CIT: variants seen among roughly 807,000 people sequenced by gnomAD.
CIT encodes the protein citron Rho-interacting kinase.
Under a neutral mutation model 272.7 loss-of-function variants are expected in CIT, and 79 were observed. The ratio of observed to expected loss-of-function variants is 0.29; its 90% confidence interval spans 0.24 to 0.35. The LOEUF (loss-of-function observed/expected upper bound fraction) is 0.35. Ranked by LOEUF, CIT falls within the 10% of genes least tolerant of loss-of-function variation. CIT has a pLI of 1.00. For missense variants in CIT, 1,909 were observed against 2,618.3 expected, an observed-to-expected ratio of 0.73 and a Z score of 5.91; for synonymous variants, 948 against 995.6, an observed-to-expected ratio of 0.95 and a Z score of 0.90.
rs1021175257 is a variant in CIT, at chr12:119,767,067, AG to A, written c.2304+19del. On this transcript the variant is annotated intron_variant, in intron 19 of 47. Transcript: ENST00000392521. ...GGTACTATAGGAGCAAGGCCAGGGAAGATCAGAAAATGTCTTTACTTTAATC... is the reference window on the plus strand; with the variant it reads ...GGTACTATAGGAGCAAGGCCAGGGAAATCAGAAAATGTCTTTACTTTAATC... 5 of 1,588,420 alleles carry A rather than the reference AG, an allele frequency of 3.1e-6. No homozygotes were observed. Among genetic ancestry groups the A allele is most frequent in the Non-Finnish European group, 4.3e-6 (5 of 1,162,222 alleles).
At position 119,718,646 on chromosome 12, in the gene CIT, A is replaced by G; in HGVS notation, c.4003+53T>C. 6.2e-7 allele frequency: 1 copy of G among 1,607,088 alleles called. No individual in the cohort carries two copies. Among genetic ancestry groups the G allele is most frequent in the South Asian group, 1.1e-5 (1 of 90,782 alleles). ...AGTCTTGGCTGATCTCACTGAGATC[A>G]ATCCTCTGCCTTTTCCACATCCTTG... is the stretch of plus-strand genomic sequence containing the variant. On this transcript the variant is annotated intron_variant, in intron 31 of 47. Coordinates refer to ENST00000392521, the MANE Select transcript of CIT (RefSeq NM_001206999.2). The surrounding 1 kb of genome is among the most constrained non-coding windows in gnomAD (Gnocchi z 4.8).
chr12:119,773,219 T>C (rs1963373212), intron 16 of CIT, among the ~76,000 whole-genome samples: 1 of 152,150 alleles, frequency 6.6e-6, no homozygotes, highest in African/African-American at 2.4e-5. Flanking sequence ...TATAAGATAA[T>C]GGTGTATCTG....
intron 7 of CIT, among the ~76,000 whole-genome samples, chr12:119,831,775 A>T (rs1190580276): frequency 6.6e-6 from 1 of 152,180 alleles, no homozygotes; most frequent in East Asian, 1.9e-4. Flanking sequence ...AGGCTGAGGC[A>T]GGAGAATGGC....
Position 119,784,525 on chromosome 12 carries a change from C to T in CIT, c.1401+435G>A. 1 of 1,184,562 alleles carries T rather than the reference C, an allele frequency of 8.4e-7. No individual in the cohort carries two copies. The highest frequency in any genetic ancestry group is 1.1e-6 in the Non-Finnish European group (1 of 944,064). The allele number at this position is 1,184,562 out of a possible 1,614,324, so 73.4% of individuals were successfully genotyped here. A position where few individuals can be genotyped will look rare whatever the true frequency, so the allele number is the denominator to read the frequency against. ...CTTATTAGTTTCCAGAGCGTTGCCT[C>T]TGGGCAGGAACAGTGAATGTTAAGA... On this transcript the variant is annotated intron_variant, in intron 11 of 47. Transcript: ENST00000392521. This position sits in a 1 kb window ranked among gnomAD's most constrained non-coding sequence, Gnocchi z 4.7.
At chr12:119,761,118 G>T in intron 19 of CIT, 63 bp from the exon 20 acceptor site, 4 of 1,158,900 alleles carry the variant, frequency 3.5e-6, no homozygotes, top group Non-Finnish European at 5.2e-6. Context: ...AAGACTAAAC[G>T]GGGACACTTG....
chr12:119,796,214 G>A (rs755618753), intron 10 of CIT, among the ~76,000 whole-genome samples: 1 of 152,130 alleles, frequency 6.6e-6, no homozygotes, highest in Non-Finnish European at 1.5e-5. Flanking sequence ...TGCTGTTGAA[G>A]GTGTAAGCCG....
Position 119,776,700 on chromosome 12 carries a change from G to A in CIT, c.1808C>T (p.Ala603Val), listed in dbSNP as rs141341431. 4.2e-5 allele frequency: 67 copies of A among 1,613,588 alleles called. No individual in the cohort carries two copies. Among genetic ancestry groups the A allele is most frequent in the South Asian group, 1.9e-4 (17 of 91,068 alleles). Residue 603 changes from alanine to valine, a missense_variant, in exon 14 of 48, where the codon GCG becomes GTG. Ala to Val is a moderately conservative substitution (Grantham distance 64). Coordinates refer to ENST00000392521, the MANE Select transcript of CIT (RefSeq NM_001206999.2). ...RLAAEEFKRK[A>V]TECQHKLLKA... Reference sequence around the variant, plus strand: ...CAACAGTTTATGCTGACATTCTGTCGCTTTCCGCTTGAATTCTTCAGCAGC... The same window carrying A: ...CAACAGTTTATGCTGACATTCTGTCACTTTCCGCTTGAATTCTTCAGCAGC...
At chr12:119,721,803 C>G (rs912666247) in intron 28 of CIT, among the ~76,000 whole-genome samples, 4 of 152,140 alleles carry the variant, frequency 2.6e-5, no homozygotes, top group Admixed American at 6.5e-5. Context: ...TAAGGCAGTT[C>G]GACTCAGTGC....
intron 7 of CIT, among the ~76,000 whole-genome samples, chr12:119,831,838 C>A (rs1226777310): frequency 6.6e-6 from 1 of 152,038 alleles, no homozygotes; most frequent in Non-Finnish European, 1.5e-5. Flanking sequence ...CCACTGCACT[C>A]CAGCCTGGGG....
chr12:119,699,973 A>G (rs1323264754), intron 44 of CIT: 25 of 452,350 alleles, frequency 5.5e-5, no homozygotes, highest in South Asian at 3.6e-4. Context: ...GGAGCTTATA[A>G]TCAGGGGGTG....
In CIT at chr12:119,698,030, A is replaced by G. The variant is rs1282175834; in HGVS notation, c.5648T>C (p.Val1883Ala). ...TACTTCGAGTGAGTTGAAGTGGGTC[A>G]CAAACAGATAGGGTTCTCTGTAGGC... ...AFAYREPYLF[V>A]THFNSLEVIE... The change falls in exon 45 of 48, where the codon GTG becomes GCG. Residue 1883 changes from valine to alanine, a missense_variant. Val to Ala is a moderately conservative substitution (Grantham distance 64, BLOSUM62 0). Around this residue, in one of 8 missense-constraint regions of CIT, gnomAD observed 780 missense variants for 1,067.2 expected, o/e 0.73. Coordinates refer to ENST00000392521, the MANE Select transcript of CIT (RefSeq NM_001206999.2). The G allele has an allele frequency of 3.1e-6, 5 of 1,614,092 alleles. No individual in the cohort carries two copies. The African/African-American group carries it at 4.0e-5, about 13-fold the overall frequency.
At chr12:119,838,370 G>A (rs1442791630) in intron 5 of CIT, among the ~76,000 whole-genome samples, 2 of 152,122 alleles carry the variant, frequency 1.3e-5, no homozygotes, top group African/African-American at 2.4e-5. Context: ...ACTGCGCCCG[G>A]CAAGAATTTT....
intron 7 of CIT, among the ~76,000 whole-genome samples, chr12:119,831,806 CT>C (rs887124026): frequency 6.6e-6 from 1 of 152,018 alleles, no homozygotes; most frequent in Non-Finnish European, 1.5e-5. Context: ...GGGGGCGGAG[CT>C]TGCAGTGAGC....
Position 119,804,577 on chromosome 12 carries a change from C to G in CIT, c.1112-1188G>C. 1 of 738,142 alleles carries G rather than the reference C, an allele frequency of 1.4e-6. No individual in the cohort carries two copies. Among genetic ancestry groups the G allele is most frequent in the Non-Finnish European group, 1.7e-6 (1 of 604,068 alleles). 45.7% of individuals were successfully genotyped at this position (738,142 alleles called of 1,614,324 possible). ...TCACAGCCCTTCACAGCCCAGACTTCTTTTTAACTCCTCGTTTTCTGGACA... is the reference window on the plus strand; with the variant it reads ...TCACAGCCCTTCACAGCCCAGACTTGTTTTTAACTCCTCGTTTTCTGGACA... On this transcript the variant is annotated intron_variant, in intron 9 of 47. Transcript: ENST00000392521. This position sits in a 1 kb window ranked among gnomAD's most constrained non-coding sequence, Gnocchi z 5.3.
chr12:119,869,315 C>G, intron 2 of CIT, 114 bp from the exon 3 acceptor site: 1 of 957,606 alleles, frequency 1.0e-6, no homozygotes, highest in Non-Finnish European at 1.5e-6. Context: ...TCACGACATG[C>G]TAACAGCACA....
chr12:119,805,816 G>A (rs1040044514), intron 9 of CIT, among the ~76,000 whole-genome samples: 1 of 152,116 alleles, frequency 6.6e-6, no homozygotes, highest in African/African-American at 2.4e-5. Context: ...TTAGAAAAAG[G>A]GGCAGATAAT....
At chr12:119,767,023 G>T in intron 19 of CIT, 64 bp downstream of exon 19, 1 of 1,210,240 alleles carries the variant, frequency 8.3e-7, no homozygotes, top group Non-Finnish European at 1.1e-6. Context: ...AAGGGCCCAG[G>T]AAGAGATGGG....
intron 25 of CIT, 67 bp from the exon 26 acceptor site, chr12:119,734,424 C>T (rs532021708): frequency 1.4e-5 from 22 of 1,539,386 alleles, no homozygotes; most frequent in Admixed American, 8.5e-5. Context: ...TTACTTTGGT[C>T]GGGTCAGTTT....
At chr12:119,836,284 TAAAA>T (rs201559880) in intron 5 of CIT, among the ~76,000 whole-genome samples, 9 of 42,260 alleles carry the variant, frequency 2.1e-4, no homozygotes, top group African/African-American at 8.1e-4. Flanking sequence ...AGACTCCATC[TAAAA>T]AAAAAAAAAA....
Sources: allele counts gnomAD v4.1 joint callset (sites outside exome capture counted in the v4.1 genomes callset), GRCh38; gene constraint gnomAD v4.1.1; regional missense constraint gnomAD v4.1.1; non-coding constraint Gnocchi (gnomAD v3.1); transcripts MANE v1.5; gene names NCBI Gene and HGNC (gene_info 2026-07-23, HGNC 2026-07-21).